SEM1: variants seen among roughly 807,000 people sequenced by gnomAD.
SEM1 encodes SEM1 26S proteasome subunit, also known as 26S proteasome complex subunit SEM1.
SEM1 carries 3 observed loss-of-function variants against 12.7 expected under a neutral mutation model. The observed-to-expected ratio is 0.24, with a 90% CI of 0.11 to 0.61. SEM1 has a LOEUF of 0.61. Among genes scored for constraint, SEM1 ranks in the 20% least tolerant of loss-of-function variants. The pLI is 0.88. For synonymous variants in SEM1, 30 were observed against 27.8 expected (o/e 1.08, Z -0.25); for missense variants, 59 against 81.3 (o/e 0.73, Z 1.06).
chr7:96,581,904 G>C (rs143676367), intron 2 of SEM1, among the ~76,000 whole-genome samples: 4,908 of 152,126 alleles, frequency 0.032, 242 homozygotes, highest in African/African-American at 0.11. Flanking sequence ...ATACACAATC[G>C]TGTCATCTGC....
chr7:96,577,197 G>A (rs1448940463), intron 2 of SEM1, among the ~76,000 whole-genome samples: 1 of 152,042 alleles, frequency 6.6e-6, no homozygotes, highest in Non-Finnish European at 1.5e-5. Flanking sequence ...CCATGAGAAG[G>A]TATGGCCACA....
intron 2 of SEM1, among the ~76,000 whole-genome samples, chr7:96,512,013 G>C (rs1312139672): frequency 6.6e-6 from 1 of 152,106 alleles, no homozygotes. Context: ...TGCTGCTGCT[G>C]TTCCTGGGAG....
chr7:96,665,960 TAAG>T (rs976442914), intron 2 of SEM1, among the ~76,000 whole-genome samples: 3 of 152,088 alleles, frequency 2.0e-5, no homozygotes, highest in African/African-American at 4.8e-5. Flanking sequence ...ACGCAGCTAG[TAAG>T]GGTATGAAAC....
At chr7:96,513,163 A>G (rs955353712) in intron 2 of SEM1, among the ~76,000 whole-genome samples, 11 of 152,060 alleles carry the variant, frequency 7.2e-5, no homozygotes, top group African/African-American at 2.4e-4. Flanking sequence ...AGGGAAGAGG[A>G]TGGGAAGACA....
intron 2 of SEM1, among the ~76,000 whole-genome samples, chr7:96,653,171 C>T (rs955829492): frequency 6.6e-6 from 1 of 152,168 alleles, no homozygotes; most frequent in African/African-American, 2.4e-5. Flanking sequence ...CCACCCAGGC[C>T]TCACTGTCTC....
At chr7:96,578,810 T>C (rs747434191) in intron 2 of SEM1, among the ~76,000 whole-genome samples, 2 of 152,202 alleles carry the variant, frequency 1.3e-5, no homozygotes, top group Admixed American at 6.5e-5. Flanking sequence ...AGCCAGACCC[T>C]TTGCTAGTAT....
chr7:96,518,901 A>G (rs1584731517), intron 2 of SEM1, among the ~76,000 whole-genome samples: 1 of 152,156 alleles, frequency 6.6e-6, no homozygotes, highest in African/African-American at 2.4e-5. Context: ...TACCCCCACC[A>G]CAAATGATTC....
intron 1 of SEM1, among the ~76,000 whole-genome samples, chr7:96,697,934 T>C (rs962647745): frequency 1.3e-5 from 2 of 152,168 alleles, no homozygotes; most frequent in Admixed American, 6.5e-5. Flanking sequence ...GCAGATCTAA[T>C]GTCTAGTCAG....
At chr7:96,506,844 A>C (rs1803769217) in intron 2 of SEM1, 1 of 152,142 alleles carries the variant, frequency 6.6e-6, no homozygotes, top group Admixed American at 6.6e-5. Context: ...ATATGGAATA[A>C]ATCAATACTT....
intron 2 of SEM1, among the ~76,000 whole-genome samples, chr7:96,507,855 A>T (rs1803806012): frequency 6.6e-6 from 1 of 151,936 alleles, no homozygotes; most frequent in Non-Finnish European, 1.5e-5. Context: ...GTCAACAGAA[A>T]ATTCTGCTGA....
At chr7:96,511,753 AC>A (rs1476361785) in intron 2 of SEM1, among the ~76,000 whole-genome samples, 2 of 152,054 alleles carry the variant, frequency 1.3e-5, no homozygotes, top group Admixed American at 1.3e-4. Flanking sequence ...CATAAAATGG[AC>A]ATTACTTTTT....
downstream of SEM1, among the ~76,000 whole-genome samples, chr7:96,621,035 C>T (rs1200589843): frequency 1.3e-5 from 2 of 152,128 alleles, no homozygotes; most frequent in Admixed American, 1.3e-4. Context: ...ACCCATCTTA[C>T]ATGAACACAC....
downstream of SEM1, among the ~76,000 whole-genome samples, chr7:96,684,016 A>C (rs968506667): frequency 3.3e-5 from 5 of 152,114 alleles, no homozygotes; most frequent in African/African-American, 1.2e-4. Flanking sequence ...CTCAGAACTT[A>C]AAGTATAATT....
At chr7:96,527,252 C>T (rs1406091199) in intron 2 of SEM1, among the ~76,000 whole-genome samples, 1 of 152,108 alleles carries the variant, frequency 6.6e-6, no homozygotes, top group Non-Finnish European at 1.5e-5. Context: ...TCCTTCCTAA[C>T]ACAATGACAC....
intron 1 of SEM1, among the ~76,000 whole-genome samples, chr7:96,699,630 T>C (rs868676790): frequency 5.3e-5 from 8 of 152,216 alleles, no homozygotes; most frequent in African/African-American, 1.9e-4. Context: ...TCCCTTCTTT[T>C]GAAAACCCCT....
At chr7:96,487,501 T>C (rs10250692) in intron 1 of SEM1, among the ~76,000 whole-genome samples, 53,983 of 149,332 alleles carry the variant, frequency 0.36, 12,562 homozygotes, top group African/African-American at 0.61. Flanking sequence ...GGTGAGTGGC[T>C]GACTCGCCTC....
chr7:96,621,366 G>A (rs1222897984), downstream of SEM1, among the ~76,000 whole-genome samples: 2 of 152,240 alleles, frequency 1.3e-5, no homozygotes, highest in Non-Finnish European at 1.5e-5. Flanking sequence ...TTTCCATTTT[G>A]TTCTGGATAA....
intron 3 of SEM1, among the ~76,000 whole-genome samples, chr7:96,502,276 A>T (rs907506536): frequency 6.6e-6 from 1 of 152,120 alleles, no homozygotes; most frequent in African/African-American, 2.4e-5. Context: ...GCTCTATACC[A>T]CTGTAGTATA....
In SEM1 at chr7:96,570,198, C is replaced by CT. The variant is rs777955274; in HGVS notation, c.171-63501dup. ...ACTTGCCAGCATCTGCATTTTTTGACTTTTTTTTTTTTAATACTTTAAGTT... is the reference window on the plus strand; with the variant it reads ...ACTTGCCAGCATCTGCATTTTTTGACTTTTTTTTTTTTTAATACTTTAAGTT... On this transcript the variant is annotated intron_variant and NMD_transcript_variant, in intron 2 of 3. Transcript: ENST00000466986. Among the ~76,000 whole-genome samples, 720 of 141,970 alleles carry CT rather than the reference C, an allele frequency of 5.1e-3. 2 individuals carry two copies. The highest frequency in any genetic ancestry group is 7.0e-3 in the Non-Finnish European group (450 of 64,080). The allele number at this position is 141,970 out of a possible 152,430, so 93.1% of individuals were successfully genotyped here.
Sources: gnomAD v4.1 joint callset for allele counts (sites outside exome capture counted in the v4.1 genomes callset) on GRCh38, gnomAD v4.1.1 for gene constraint, MANE v1.5 for transcripts, NCBI Gene and HGNC (gene_info 2026-07-23, HGNC 2026-07-21) for gene names.